GULP1: variants seen among roughly 807,000 people sequenced by gnomAD.
GULP1 encodes the protein PTB domain-containing engulfment adapter protein 1.
Under a neutral mutation model 40.9 loss-of-function variants are expected in GULP1, and 19 were observed. That is an observed-to-expected ratio of 0.46 (90% CI 0.32 to 0.68). The LOEUF (loss-of-function observed/expected upper bound fraction) is 0.68. Ranked by LOEUF, GULP1 falls within the 30% of genes least tolerant of loss-of-function variation. GULP1 has a pLI of 0.03. For missense variants in GULP1, 312 were observed against 362.2 expected (o/e 0.86, Z 1.12); for synonymous variants, 119 against 117.6 (o/e 1.01, Z -0.08).
intron 1 of GULP1, among the ~76,000 whole-genome samples, chr2:188,296,886 A>G (rs1342715219): frequency 6.6e-6 from 1 of 151,972 alleles, no homozygotes; most frequent in Non-Finnish European, 1.5e-5. Flanking sequence ...AGAAACTTCC[A>G]TATTTTGGGG....
chr2:188,422,736 T>A (rs2152775507), intron 2 of GULP1, among the ~76,000 whole-genome samples: 2 of 152,232 alleles, frequency 1.3e-5, no homozygotes, highest in East Asian at 1.9e-4. Flanking sequence ...ACATTATAAA[T>A]AAATTTTTTA....
Position 188,292,236 on chromosome 2 carries a change from T to A in GULP1, c.-172+70T>A, listed in dbSNP as rs2004888. On this transcript the variant is annotated intron_variant, in intron 1 of 11. Coordinates refer to ENST00000409830, the MANE Select transcript of GULP1 (RefSeq NM_016315.4). The surrounding 1 kb of genome is among the most constrained non-coding windows in gnomAD (Gnocchi z 4.0). ...TCCCTCCAGGTAGCGTGGAATCGCT[T>A]AGAAGCTGATATCCCGAGGGGCGGT... The A allele has an allele frequency of 5.2e-5, 8 of 152,388 alleles. No homozygotes were observed. Among genetic ancestry groups the A allele is most frequent in the African/African-American group, 1.9e-4 (8 of 41,438 alleles). 9.4% of individuals were successfully genotyped at this position (152,388 alleles called of 1,614,324 possible).
intron 7 of GULP1, among the ~76,000 whole-genome samples, chr2:188,562,924 C>A (rs1413750167): frequency 1.3e-5 from 2 of 151,624 alleles, no homozygotes; most frequent in Admixed American, 1.3e-4. Flanking sequence ...ATTAAAACAC[C>A]CTTTATATAA....
intron 1 of GULP1, among the ~76,000 whole-genome samples, chr2:188,299,947 A>C (rs1403034744): frequency 6.6e-6 from 1 of 152,268 alleles, no homozygotes; most frequent in Admixed American, 6.5e-5. Flanking sequence ...TTTTACAGTT[A>C]TAGAGATGTT....
chr2:188,562,782 T>C (rs934366801), intron 7 of GULP1, among the ~76,000 whole-genome samples: 8 of 152,170 alleles, frequency 5.3e-5, no homozygotes, highest in African/African-American at 1.9e-4. Context: ...TACTATATGC[T>C]GGGCCATAAT....
intron 4 of GULP1, among the ~76,000 whole-genome samples, chr2:188,495,611 C>T (rs1206571218): frequency 3.3e-5 from 5 of 151,982 alleles, no homozygotes; most frequent in Non-Finnish European, 5.9e-5. Flanking sequence ...GGAGCCTCAT[C>T]GAAATGAATT....
intron 1 of GULP1, among the ~76,000 whole-genome samples, chr2:188,369,371 A>G (rs955621024): frequency 2.0e-5 from 3 of 150,466 alleles, no homozygotes; most frequent in Admixed American, 2.0e-4. Flanking sequence ...AAAGATTATG[A>G]TAGATTCTTT....
intron 1 of GULP1, among the ~76,000 whole-genome samples, chr2:188,364,406 A>G (rs1008868126): frequency 1.3e-5 from 2 of 152,192 alleles, no homozygotes; most frequent in African/African-American, 4.8e-5. Context: ...CGCTCATGGT[A>G]GTAGGCTGTC....
chr2:188,393,433 T>A (rs926168205), intron 2 of GULP1, among the ~76,000 whole-genome samples: 1 of 152,054 alleles, frequency 6.6e-6, no homozygotes, highest in African/African-American at 2.4e-5. Flanking sequence ...AATGTCTTTA[T>A]CCATCCTTTT....
At chr2:188,389,997 C>CAGT (rs147589262) in intron 2 of GULP1, among the ~76,000 whole-genome samples, 3,708 of 151,372 alleles carry the variant, frequency 0.024, 68 homozygotes, top group Middle Eastern at 0.061. Context: ...TCATGGTGTA[C>CAGT]ATATAGCACG....
chr2:188,461,835 T>G (rs1206613824), intron 2 of GULP1, among the ~76,000 whole-genome samples: 1 of 152,286 alleles, frequency 6.6e-6, no homozygotes, highest in East Asian at 1.9e-4. Flanking sequence ...CTGTTTTTTC[T>G]TAGTCTGGGT....
At chr2:188,454,996 AG>A (rs1322359490) in intron 2 of GULP1, among the ~76,000 whole-genome samples, 1 of 151,930 alleles carries the variant, frequency 6.6e-6, no homozygotes, top group Non-Finnish European at 1.5e-5. Flanking sequence ...ACCAGGTATG[AG>A]GGTATGCTCC....
intron 7 of GULP1, among the ~76,000 whole-genome samples, chr2:188,558,383 A>G (rs917460833): frequency 6.6e-6 from 1 of 152,138 alleles, no homozygotes. Flanking sequence ...ACTGCCACGT[A>G]AGAAGTGCTT....
At position 188,291,958 on chromosome 2, in the gene GULP1, G is replaced by A. The variant is rs1004640597; in HGVS notation, c.-380G>A. 1 of 152,490 alleles carries A rather than the reference G, an allele frequency of 6.6e-6. No individual in the cohort carries two copies. Among genetic ancestry groups the A allele is most frequent in the Non-Finnish European group, 1.5e-5 (1 of 68,262 alleles). The allele number at this position is 152,490 out of a possible 1,614,324, so 9.4% of individuals were successfully genotyped here. On this transcript the variant is annotated 5_prime_UTR_variant, in exon 1 of 12. Coordinates refer to ENST00000409830, the MANE Select transcript of GULP1 (RefSeq NM_016315.4). ...AGTTTTGGATTCGGCGGATTAGGAAGAGGAGGGAGGGGGGAGAGAGCGCGA... is the reference window on the plus strand; with the variant it reads ...AGTTTTGGATTCGGCGGATTAGGAAAAGGAGGGAGGGGGGAGAGAGCGCGA...
chr2:188,584,647 T>C (rs951338368), intron 10 of GULP1, among the ~76,000 whole-genome samples: 1 of 151,996 alleles, frequency 6.6e-6, no homozygotes, highest in Non-Finnish European at 1.5e-5. Context: ...TGTTTTGGTG[T>C]ATTACTTCAT....
At position 188,424,958 on chromosome 2, in the gene GULP1, A is replaced by G. The variant is rs147334571; in HGVS notation, c.-45+41069A>G. Among the ~76,000 whole-genome samples the G allele has an allele frequency of 1.2e-4, 19 of 152,058 alleles. No homozygotes were observed. In the East Asian group the frequency reaches 3.3e-3, roughly 26 times the overall value. Reference sequence around the variant, plus strand: ...TGTCTGATTTTCTTTTGGCAAGTCTATTTCATAGTGGTAATGTGTTCTTTC... The same window carrying G: ...TGTCTGATTTTCTTTTGGCAAGTCTGTTTCATAGTGGTAATGTGTTCTTTC... On this transcript the variant is annotated intron_variant, in intron 2 of 11. Coordinates refer to ENST00000409830, the MANE Select transcript of GULP1 (RefSeq NM_016315.4).
At chr2:188,457,080 C>G (rs1010830304) in intron 2 of GULP1, among the ~76,000 whole-genome samples, 1 of 152,154 alleles carries the variant, frequency 6.6e-6, no homozygotes, top group Admixed American at 6.5e-5. Flanking sequence ...TAGGAAGTAA[C>G]TAGCTTGCTT....
Position 188,379,898 on chromosome 2 carries a change from G to A in GULP1, c.-171-3865G>A, listed in dbSNP as rs549570989. ...CTTTCCCCACCATCCTCACTGGACA[G>A]CTTCTGTGAACTGAAGGTTAATGAG... is the stretch of plus-strand genomic sequence containing the variant. On this transcript the variant is annotated intron_variant, in intron 1 of 11. Transcript: ENST00000409830. 2.2e-4 allele frequency among the ~76,000 whole-genome samples: 34 copies of A among 152,270 alleles called. 2 individuals carry two copies. The South Asian group carries it at 6.0e-3, about 27-fold the overall frequency.
chr2:188,415,241 A>G (rs2054425595), intron 2 of GULP1, among the ~76,000 whole-genome samples: 1 of 152,166 alleles, frequency 6.6e-6, no homozygotes, highest in Non-Finnish European at 1.5e-5. Flanking sequence ...TAAAGAGCAC[A>G]ATTTGGGGAC....
Sources: gnomAD v4.1 joint callset for allele counts (sites outside exome capture counted in the v4.1 genomes callset) on GRCh38, gnomAD v4.1.1 for gene constraint, Gnocchi (gnomAD v3.1) non-coding constraint, MANE v1.5 for transcripts, NCBI Gene and HGNC (gene_info 2026-07-23, HGNC 2026-07-21) for gene names.